Variants in PCSK5 observed in about 807,000 individuals in gnomAD.
PCSK5 encodes the protein proprotein convertase subtilisin/kexin type 5, also known as prohormone convertase 5.
Under a neutral mutation model 233.2 loss-of-function variants are expected in PCSK5, and 129 were observed. The observed-to-expected ratio is 0.55, with a 90% CI of 0.48 to 0.64. The LOEUF is 0.64. PCSK5 is among the 30% of genes least tolerant of loss of function. The pLI is 0.00. For synonymous variants in PCSK5, 825 were observed against 879.2 expected, an observed-to-expected ratio of 0.94 and a Z score of 1.09; for missense variants, 2,076 against 2,430.1, an observed-to-expected ratio of 0.85 and a Z score of 3.06.
At chr9:76,182,179 G>C (rs541552629) in intron 16 of PCSK5, among the ~76,000 whole-genome samples, 91 of 152,326 alleles carry the variant, frequency 6.0e-4, no homozygotes, top group Non-Finnish European at 1.0e-3. Flanking sequence ...CAAGTTCCCA[G>C]ATGTGCCAGC....
chr9:75,891,400 C>A, intron 1 of PCSK5, 27 bp downstream of exon 1: 1 of 1,530,022 alleles, frequency 6.5e-7, no homozygotes, highest in Admixed American at 2.3e-5. Flanking sequence ...TAGCCCAGCC[C>A]TCGGCCCTGA....
At chr9:75,987,424 C>T (rs567673542) in intron 3 of PCSK5, among the ~76,000 whole-genome samples, 3 of 152,122 alleles carry the variant, frequency 2.0e-5, no homozygotes, top group Admixed American at 6.6e-5. Flanking sequence ...TGTGGGGGGG[C>T]GGGTCTCTTG....
At chr9:76,185,163 T>C (rs1354405024) in intron 17 of PCSK5, among the ~76,000 whole-genome samples, 1 of 152,208 alleles carries the variant, frequency 6.6e-6, no homozygotes, top group African/African-American at 2.4e-5. Context: ...TTATTATTTC[T>C]CTCCACATAG....
intron 36 of PCSK5, among the ~76,000 whole-genome samples, chr9:76,353,287 G>T (rs1035972503): frequency 6.6e-6 from 1 of 152,256 alleles, no homozygotes; most frequent in South Asian, 2.1e-4. Flanking sequence ...GCAACTTGTC[G>T]GGAGGGAAGC....
intron 1 of PCSK5, among the ~76,000 whole-genome samples, chr9:75,918,671 G>A (rs748384618): frequency 9.9e-5 from 15 of 152,026 alleles, no homozygotes; most frequent in Admixed American, 4.6e-4. Flanking sequence ...TGACGAAGAT[G>A]GTCATGTTAG....
chr9:76,236,914 G>A (rs185540178), intron 22 of PCSK5, among the ~76,000 whole-genome samples: 1 of 152,140 alleles, frequency 6.6e-6, no homozygotes, highest in African/African-American at 2.4e-5. Flanking sequence ...GGGAAAAATT[G>A]AATATTGCCA....
At chr9:76,095,210 T>C (rs1051700720) in intron 7 of PCSK5, among the ~76,000 whole-genome samples, 1 of 152,238 alleles carries the variant, frequency 6.6e-6, no homozygotes, top group African/African-American at 2.4e-5. Flanking sequence ...AATTAGTGTC[T>C]ACACCACTCA....
At chr9:76,351,471 A>G (rs1303746108) in intron 36 of PCSK5, among the ~76,000 whole-genome samples, 8 of 67,088 alleles carry the variant, frequency 1.2e-4, no homozygotes, top group African/African-American at 3.8e-4. Context: ...AAAGAAAGAA[A>G]GAAAGAAAGA....
At chr9:76,161,854 GA>G (rs1822874059) in intron 12 of PCSK5, among the ~76,000 whole-genome samples, 1 of 152,202 alleles carries the variant, frequency 6.6e-6, no homozygotes, top group Non-Finnish European at 1.5e-5. Context: ...TCGGAGAAAA[GA>G]AACAGGCATT....
chr9:76,356,113 C>A (rs906361759), intron 37 of PCSK5, among the ~76,000 whole-genome samples: 6 of 152,202 alleles, frequency 3.9e-5, no homozygotes, highest in Admixed American at 1.3e-4. Context: ...TTCATACACA[C>A]CTACATTCAG....
intron 24 of PCSK5, among the ~76,000 whole-genome samples, chr9:76,271,963 T>A (rs554634369): frequency 4.1e-4 from 62 of 152,316 alleles, no homozygotes; most frequent in African/African-American, 1.4e-3. Context: ...GTCATTTGAT[T>A]TAGCTTAGGG....
At chr9:76,058,689 A>G (rs1047803852) in intron 5 of PCSK5, among the ~76,000 whole-genome samples, 1 of 152,208 alleles carries the variant, frequency 6.6e-6, no homozygotes, top group Admixed American at 6.5e-5. Context: ...AAAAATTGAC[A>G]TGAAAACAGA....
intron 5 of PCSK5, among the ~76,000 whole-genome samples, chr9:76,046,463 A>C (rs1413923368): frequency 6.7e-6 from 1 of 149,642 alleles, no homozygotes; most frequent in Non-Finnish European, 1.5e-5. Context: ...GGCGTGAGCC[A>C]CCGCGCCCAG....
At position 76,179,624 on chromosome 9, in the gene PCSK5, T is replaced by C. The variant is rs374115459; in HGVS notation, c.1929T>C (p.Val643=). ...CCTGCGACCCTGAGTGCAGTGAGGT[T>C]GGCTGTGACGGGCCAGGACCAGACC... ...AGPCDPECSE[V]GCDGPGPDHC... Residue 643 remains valine, a synonymous_variant, in exon 15 of 38, where the codon GTT becomes GTC. Transcript: ENST00000674117. The C allele has an allele frequency of 1.9e-5, 31 of 1,613,888 alleles. No homozygotes were observed. The highest frequency in any genetic ancestry group is 3.3e-4 in the Middle Eastern group (2 of 6,058).
intron 3 of PCSK5, 78 bp from the exon 4 acceptor site, chr9:76,023,656 AAAAC>A (rs1270359878): frequency 5.1e-6 from 7 of 1,378,028 alleles, no homozygotes; most frequent in African/African-American, 4.4e-5. Flanking sequence ...GAGAAAAAAA[AAAAC>A]AAAAGAAAGA....
intron 2 of PCSK5, among the ~76,000 whole-genome samples, chr9:75,937,028 A>G (rs746959638): frequency 1.6e-4 from 25 of 152,120 alleles, no homozygotes; most frequent in Admixed American, 7.9e-4. Context: ...ATTGTCAGTG[A>G]TCAGTAATAG....
intron 5 of PCSK5, among the ~76,000 whole-genome samples, chr9:76,065,722 T>C (rs925689028): frequency 3.3e-5 from 5 of 152,238 alleles, no homozygotes; most frequent in Non-Finnish European, 7.3e-5. Flanking sequence ...CAAAAAAATC[T>C]CTGCTGAGAC....
intron 24 of PCSK5, among the ~76,000 whole-genome samples, chr9:76,280,901 A>C (rs886345420): frequency 2.2e-5 from 3 of 134,206 alleles, no homozygotes; most frequent in African/African-American, 9.4e-5. Flanking sequence ...TGATATGGAG[A>C]AAGTTTTTGT....
chr9:76,022,008 A>C (rs1828214017), intron 3 of PCSK5, among the ~76,000 whole-genome samples: 1 of 152,126 alleles, frequency 6.6e-6, no homozygotes, highest in Admixed American at 6.5e-5. Flanking sequence ...TGTGTCCTCT[A>C]CCAGGACACT....
Sources: gnomAD v4.1 joint callset for allele counts (sites outside exome capture counted in the v4.1 genomes callset) on GRCh38, gnomAD v4.1.1 for gene constraint, MANE v1.5 for transcripts, NCBI Gene and HGNC (gene_info 2026-07-23, HGNC 2026-07-21) for gene names.